The following RAB3GAP1 variants were observed in gnomAD, a reference collection of about 807,000 sequenced individuals.
The protein encoded by RAB3GAP1 is RAB3 GTPase activating protein catalytic subunit 1, also known as rab3 GTPase-activating protein catalytic subunit.
Under a neutral mutation model 130.7 loss-of-function variants are expected in RAB3GAP1, and 86 were observed. The ratio of observed to expected loss-of-function variants is 0.66; its 90% CI spans 0.55 to 0.79. The LOEUF (loss-of-function observed/expected upper bound fraction) is 0.79, where lower values mean the gene tolerates loss of function less well. Ranked by LOEUF, RAB3GAP1 falls within the 30% of genes least tolerant of loss-of-function variation. The pLI is 0.00. For synonymous variants in RAB3GAP1, 367 were observed against 401.7 expected, an observed-to-expected ratio of 0.91 and a Z score of 1.03; for missense variants, 1,029 against 1,169.4, an observed-to-expected ratio of 0.88 and a Z score of 1.75.
At chr2:135,103,590 C>T (rs1158046605) in intron 5 of RAB3GAP1, among the ~76,000 whole-genome samples, 1 of 152,154 alleles carries the variant, frequency 6.6e-6, no homozygotes, top group East Asian at 1.9e-4. Context: ...CCATTTCTGG[C>T]TCCTCTTCCT....
chr2:135,136,060 T>A, intron 17 of RAB3GAP1, 128 bp downstream of exon 17: 5 of 1,274,808 alleles, frequency 3.9e-6, no homozygotes, highest in Non-Finnish European at 5.6e-6. Flanking sequence ...ATGCGGTGGC[T>A]TACGCCTGTA....
chr2:135,111,082 G>C lies in RAB3GAP1; in HGVS notation c.363-2069G>C, dbSNP rs571687271. 3.3e-5 allele frequency among the ~76,000 whole-genome samples: 5 copies of C among 152,140 alleles called. No individual in the cohort carries two copies. The East Asian group carries it at 9.7e-4, about 29-fold the overall frequency. ...CTGCATAACTAATTTTGATTTCAGG[G>C]CTAGGAGGGTGGAGGTAGGGTGAGG... is the stretch of plus-strand genomic sequence containing the variant. On this transcript the variant is annotated intron_variant, in intron 5 of 23. Transcript: ENST00000264158.
At chr2:135,079,559 T>G (rs1327329684) in intron 3 of RAB3GAP1, among the ~76,000 whole-genome samples, 2 of 152,208 alleles carry the variant, frequency 1.3e-5, no homozygotes, top group African/African-American at 4.8e-5. Flanking sequence ...GAACTTTAGC[T>G]GAGTTGGGTT....
intron 5 of RAB3GAP1, among the ~76,000 whole-genome samples, chr2:135,106,793 AAGC>A (rs970273462): frequency 4.6e-5 from 7 of 151,814 alleles, no homozygotes; most frequent in African/African-American, 1.7e-4. Context: ...GTAAAAAAAA[AAGC>A]AAGCTGAAAA....
chr2:135,168,682 T>TCCCTACTCCAAAGCTCTGCC lies in RAB3GAP1; in HGVS notation c.2848_2867dup (p.Gln957ProfsTer71). 2.5e-6 allele frequency: 4 copies of TCCCTACTCCAAAGCTCTGCC among 1,614,176 alleles called. No individual in the cohort carries two copies. Among genetic ancestry groups the TCCCTACTCCAAAGCTCTGCC allele is most frequent in the Non-Finnish European group, 3.4e-6 (4 of 1,180,016 alleles). On this transcript the variant is annotated frameshift_variant, in exon 24 of 24. Transcript: ENST00000264158. LOFTEE classifies it high-confidence loss of function. ...TGCGCACCACTGTGCCGCGCCCTGCTCCCTACTCCAAAGCTCTGCCTCAGC... is the reference window on the plus strand; with the variant it reads ...TGCGCACCACTGTGCCGCGCCCTGCTCCCTACTCCAAAGCTCTGCCCCCTACTCCAAAGCTCTGCCTCAGC...
rs550672072 is a variant in RAB3GAP1 at position 135,084,691 on chromosome 2, A to C, written c.151-6307A>C. The stretch of plus-strand genomic sequence containing the variant: ...ATTTTCTAGTACCTTTGGAAGTTAC[A>C]GGGGTTATTATTAATACTGAACAAA... On this transcript the variant is annotated intron_variant, in intron 3 of 23. Transcript: ENST00000264158. 6.6e-5 allele frequency among the ~76,000 whole-genome samples: 10 copies of C among 152,202 alleles called. No homozygotes were observed. In the South Asian group the frequency reaches 1.7e-3, roughly 26 times the overall value.
intron 19 of RAB3GAP1, among the ~76,000 whole-genome samples, chr2:135,160,095 A>G (rs1302701933): frequency 2.6e-5 from 4 of 152,226 alleles, no homozygotes; most frequent in African/African-American, 7.2e-5. Flanking sequence ...ATAACCTTGC[A>G]AATATGCTAA....
At chr2:135,132,099 A>G (rs184333002) in intron 13 of RAB3GAP1, among the ~76,000 whole-genome samples, 25 of 152,358 alleles carry the variant, frequency 1.6e-4, no homozygotes, top group African/African-American at 4.8e-4. Flanking sequence ...GGCACATAGT[A>G]GTTCATCTAA....
At chr2:135,097,216 C>CCT (rs572476915) in intron 5 of RAB3GAP1, among the ~76,000 whole-genome samples, 1 of 139,910 alleles carries the variant, frequency 7.1e-6, no homozygotes, top group Non-Finnish European at 1.6e-5. Context: ...GTCCTTCCCA[C>CCT]TTTTTTTTTT....
At chr2:135,132,334 C>T (rs1691571477) in intron 13 of RAB3GAP1, among the ~76,000 whole-genome samples, 2 of 151,944 alleles carry the variant, frequency 1.3e-5, no homozygotes, top group Non-Finnish European at 2.9e-5. Flanking sequence ...TTTGACCACT[C>T]GTACATGTAC....
chr2:135,105,234 T>TC (rs1262391197), intron 5 of RAB3GAP1, among the ~76,000 whole-genome samples: 1 of 16,484 alleles, frequency 6.1e-5, no homozygotes, highest in Non-Finnish European at 1.2e-4. Flanking sequence ...CCCCTCCCGC[T>TC]CCCCCCTTCC....
At chr2:135,113,457 T>C (rs1690879625) in intron 6 of RAB3GAP1, among the ~76,000 whole-genome samples, 187 bp downstream of exon 6, 1 of 152,218 alleles carries the variant, frequency 6.6e-6, no homozygotes, top group Admixed American at 6.5e-5. Flanking sequence ...GCTACCTAAC[T>C]TATTCCGTGT....
chr2:135,067,929 A>C (rs1689366701), intron 3 of RAB3GAP1, among the ~76,000 whole-genome samples: 1 of 152,052 alleles, frequency 6.6e-6, no homozygotes, highest in Non-Finnish European at 1.5e-5. Flanking sequence ...CTGTAGAAAT[A>C]AGGTCTCACT....
intron 5 of RAB3GAP1, among the ~76,000 whole-genome samples, chr2:135,095,290 C>T (rs1047038731): frequency 3.3e-5 from 5 of 152,116 alleles, no homozygotes; most frequent in Non-Finnish European, 4.4e-5. Context: ...CCTCGTGATC[C>T]GCCCGCCTCG....
At chr2:135,060,711 A>G (rs72976389) in intron 3 of RAB3GAP1, among the ~76,000 whole-genome samples, 1 of 147,950 alleles carries the variant, frequency 6.8e-6, no homozygotes, top group Non-Finnish European at 1.5e-5. Flanking sequence ...TATTGTTATT[A>G]TTATTATTAT....
At chr2:135,053,906 G>C (rs1179502652) in intron 2 of RAB3GAP1, among the ~76,000 whole-genome samples, 1 of 152,174 alleles carries the variant, frequency 6.6e-6, no homozygotes, top group African/African-American at 2.4e-5. Context: ...TAGGAAATGA[G>C]CTGGGCCTTG....
At position 135,059,248 on chromosome 2, in the gene RAB3GAP1, T is replaced by C. The variant is rs576179547; in HGVS notation, c.150+1162T>C. Among the ~76,000 whole-genome samples, 9 of 152,214 alleles carry C rather than the reference T, an allele frequency of 5.9e-5. No individual in the cohort carries two copies. In the East Asian group the frequency reaches 1.7e-3, roughly 29 times the overall value. ...TGAAACAAATACATAACAATTGATA[T>C]AGATGCCAATAAGATTAGAGGCAAA... On this transcript the variant is annotated intron_variant, in intron 3 of 23. Transcript: ENST00000264158.
Position 135,113,265 on chromosome 2 carries a change from T to C in RAB3GAP1, c.477T>C (p.Thr159=). The change falls in exon 6 of 24, where the codon ACT becomes ACC. Residue 159 remains threonine, a synonymous_variant. Transcript: ENST00000264158. ...LSSVSIALGN[T]GCQVPLFVQI... Reference sequence around the variant, plus strand: ...CTGTTTCTATTGCCTTGGGAAACACTGGCTGGTGAGTGGACATTTTTTAAA... The same window carrying C: ...CTGTTTCTATTGCCTTGGGAAACACCGGCTGGTGAGTGGACATTTTTTAAA... 6.2e-7 allele frequency: 1 copy of C among 1,614,144 alleles called. No homozygotes were observed. Among genetic ancestry groups the C allele is most frequent in the South Asian group, 1.1e-5 (1 of 91,090 alleles).
intron 19 of RAB3GAP1, among the ~76,000 whole-genome samples, chr2:135,154,484 T>C (rs1466603093): frequency 6.6e-6 from 1 of 152,048 alleles, no homozygotes; most frequent in Non-Finnish European, 1.5e-5. Flanking sequence ...TACTAAGAGA[T>C]AGAAATTGCA....
Sources: allele counts gnomAD v4.1 joint callset (sites outside exome capture counted in the v4.1 genomes callset), GRCh38; gene constraint gnomAD v4.1.1; transcripts MANE v1.5; gene names NCBI Gene and HGNC (gene_info 2026-07-23, HGNC 2026-07-21).